SLC35D4: variants seen among roughly 807,000 people sequenced by gnomAD.
SLC35D4 encodes the protein UDP-N-acetylglucosamine transporter SLC35D4.
At chr18:23,374,290 CA>C in the SLC35D4 span, among the ~76,000 whole-genome samples, 1 of 152,148 alleles carries the variant, frequency 6.6e-6, no homozygotes, top group South Asian at 2.1e-4. Flanking sequence ...CGGAAGGACA[CA>C]ACATCACTTG....
At chr18:23,374,554 C>G in the SLC35D4 span, among the ~76,000 whole-genome samples, 1 of 150,046 alleles carries the variant, frequency 6.7e-6, no homozygotes, top group Admixed American at 6.6e-5. Flanking sequence ...GGCACGATCT[C>G]GGCTCACCAT....
chr18:23,246,399 GT>G, the SLC35D4 span, among the ~76,000 whole-genome samples: 6 of 148,862 alleles, frequency 4.0e-5, no homozygotes, highest in South Asian at 2.1e-4. Flanking sequence ...TTGTTTTTTG[GT>G]TTTTTTTTTG....
the SLC35D4 span, among the ~76,000 whole-genome samples, chr18:23,366,139 T>C: frequency 1.3e-5 from 2 of 152,186 alleles, no homozygotes; most frequent in Non-Finnish European, 2.9e-5. Context: ...ATCCAGCCCA[T>C]CTACCATGTG....
the SLC35D4 span, among the ~76,000 whole-genome samples, chr18:23,423,514 T>C: frequency 1.3e-5 from 2 of 152,232 alleles, no homozygotes; most frequent in East Asian, 1.9e-4. Context: ...TCCTACAATG[T>C]GCAGGGCAGT....
chr18:23,308,004 C>T, the SLC35D4 span, among the ~76,000 whole-genome samples: 2 of 152,192 alleles, frequency 1.3e-5, no homozygotes, highest in African/African-American at 4.8e-5. Context: ...CAGGGTCCTG[C>T]GCACTGCTTC....
At chr18:23,427,655 A>C in the SLC35D4 span, among the ~76,000 whole-genome samples, 6 of 152,164 alleles carry the variant, frequency 3.9e-5, no homozygotes, top group Non-Finnish European at 5.9e-5. Flanking sequence ...TTGACCCAGC[A>C]ATCCCATTAC....
chr18:23,319,855 C>T, the SLC35D4 span, among the ~76,000 whole-genome samples: 3 of 152,210 alleles, frequency 2.0e-5, no homozygotes, highest in Non-Finnish European at 4.4e-5. Context: ...AAGTCAGCCA[C>T]TGGCTTTGTG....
At chr18:23,353,838 T>G in the SLC35D4 span, among the ~76,000 whole-genome samples, 1 of 152,162 alleles carries the variant, frequency 6.6e-6, no homozygotes, top group South Asian at 2.1e-4. Context: ...TTCCCACCTT[T>G]TTGTCTCAGG....
the SLC35D4 span, among the ~76,000 whole-genome samples, chr18:23,426,009 T>G: frequency 6.6e-6 from 1 of 151,990 alleles, no homozygotes; most frequent in Non-Finnish European, 1.5e-5. Context: ...AAAGGAAGGA[T>G]TATAGAATAA....
the SLC35D4 span, among the ~76,000 whole-genome samples, chr18:23,407,609 G>A: frequency 3.3e-5 from 5 of 151,056 alleles, no homozygotes; most frequent in South Asian, 1.0e-3. Context: ...AATATAAATG[G>A]CCAACAAACA....
chr18:23,238,674 T>G, the SLC35D4 span, among the ~76,000 whole-genome samples: 1 of 152,212 alleles, frequency 6.6e-6, no homozygotes, highest in Non-Finnish European at 1.5e-5. Context: ...TAAGGATGCT[T>G]TATGTGGTTC....
chr18:23,272,977 C>T, the SLC35D4 span, among the ~76,000 whole-genome samples: 1 of 152,200 alleles, frequency 6.6e-6, no homozygotes, highest in Non-Finnish European at 1.5e-5. Flanking sequence ...CTGCCTTTGT[C>T]TTCCTAGCTC....
chr18:23,281,214 A>G, the SLC35D4 span, among the ~76,000 whole-genome samples: 3 of 152,244 alleles, frequency 2.0e-5, no homozygotes, highest in African/African-American at 7.2e-5. Context: ...CGGTTGCAGA[A>G]TTCTGTGAAT....
chr18:23,437,804 G>C, the SLC35D4 span: 7 of 1,612,164 alleles, frequency 4.3e-6, no homozygotes, highest in Non-Finnish European at 5.1e-6. Context: ...TAAGAAGCCA[G>C]GTAGCAGGTA....
chr18:23,344,557 G>C, the SLC35D4 span, among the ~76,000 whole-genome samples: 6 of 151,120 alleles, frequency 4.0e-5, no homozygotes. Context: ...TTTTCTCCTA[G>C]GCTGTGGCTT....
the SLC35D4 span, among the ~76,000 whole-genome samples, chr18:23,248,427 C>T: frequency 6.6e-6 from 1 of 151,798 alleles, no homozygotes; most frequent in East Asian, 1.9e-4. Flanking sequence ...AGGTCTGCAG[C>T]CCCGACCACT....
the SLC35D4 span, among the ~76,000 whole-genome samples, chr18:23,379,023 C>T: frequency 6.6e-6 from 1 of 152,188 alleles, no homozygotes; most frequent in Non-Finnish European, 1.5e-5. Context: ...CTGCCATCTG[C>T]TGGGAAGTTA....
At chr18:23,247,858 C>A in the SLC35D4 span, among the ~76,000 whole-genome samples, 3 of 152,264 alleles carry the variant, frequency 2.0e-5, no homozygotes, top group Non-Finnish European at 1.5e-5. Context: ...CCTCCTGGTG[C>A]TGCCACATAT....
the SLC35D4 span, among the ~76,000 whole-genome samples, chr18:23,334,506 G>A: frequency 6.6e-6 from 1 of 152,222 alleles, no homozygotes; most frequent in Non-Finnish European, 1.5e-5. Flanking sequence ...GCAATTAGCT[G>A]TTGACTTAAA....
Sources: allele counts gnomAD v4.1 joint callset (sites outside exome capture counted in the v4.1 genomes callset), GRCh38; gene constraint gnomAD v4.1.1; transcripts MANE v1.5; gene names NCBI Gene and HGNC (gene_info 2026-07-23, HGNC 2026-07-21).